Variants in SMYD3 observed in about 807,000 individuals in gnomAD.
SMYD3 encodes histone-lysine N-methyltransferase SMYD3.
A neutral mutation model predicts 57.7 loss-of-function variants in SMYD3; 36 were observed. That is an observed-to-expected ratio of 0.62 (90% CI 0.48 to 0.82). The LOEUF is 0.82. Ranked by LOEUF, SMYD3 falls within the 40% of genes least tolerant of loss-of-function variation. The pLI is 0.00. For synonymous variants in SMYD3, 211 were observed against 195.0 expected (o/e 1.08, Z -0.68); for missense variants, 515 against 538.8 (o/e 0.96, Z 0.44).
At position 245,918,507 on chromosome 1, in the gene SMYD3, T is replaced by G. The variant is rs142427849; in HGVS notation, c.703-2867A>C. Among the ~76,000 whole-genome samples, 179 of 152,334 alleles carry G rather than the reference T, an allele frequency of 1.2e-3. 1 individual carries two copies. Among genetic ancestry groups the G allele is most frequent in the African/African-American group, 3.9e-3 (162 of 41,566 alleles). The stretch of plus-strand genomic sequence containing the variant: ...TTCAGCTGAGACAACAGCCACTTTT[T>G]GATTTCCTCCATGTTTCTCTTGCTT... On this transcript the variant is annotated intron_variant, in intron 7 of 11. Coordinates refer to ENST00000490107, the MANE Select transcript of SMYD3 (RefSeq NM_001167740.2).
At chr1:246,335,139 T>C (rs538580433) in intron 3 of SMYD3, among the ~76,000 whole-genome samples, 1 of 152,346 alleles carries the variant, frequency 6.6e-6, no homozygotes, top group South Asian at 2.1e-4. Flanking sequence ...TACATTGTTC[T>C]GTTGGCATAA....
intron 1 of SMYD3, among the ~76,000 whole-genome samples, chr1:246,359,353 A>G (rs1430127023): frequency 1.3e-5 from 2 of 152,326 alleles, no homozygotes; most frequent in Middle Eastern, 3.4e-3. Flanking sequence ...GTCTAGGACC[A>G]TAAGGATTCA....
intron 5 of SMYD3, among the ~76,000 whole-genome samples, chr1:246,223,963 T>C (rs1392150699): frequency 6.6e-6 from 1 of 152,254 alleles, no homozygotes. Flanking sequence ...AACTGAAGGA[T>C]TCTTTTCATT....
In SMYD3 at chr1:246,329,396, G is replaced by C. The variant is rs186465358; in HGVS notation, c.394+1084C>G. ...ATGATTGCCATTCTATCTGGTGTGAGATGGTATCTCACTGTGGTTTTGATT... is the reference window on the plus strand; with the variant it reads ...ATGATTGCCATTCTATCTGGTGTGACATGGTATCTCACTGTGGTTTTGATT... On this transcript the variant is annotated intron_variant, in intron 4 of 11. Transcript: ENST00000490107. 1.7e-4 allele frequency among the ~76,000 whole-genome samples: 26 copies of C among 152,326 alleles called. No individual in the cohort carries two copies. The East Asian group carries it at 5.0e-3, about 29-fold the overall frequency.
At chr1:246,039,770 A>G (rs936225649) in intron 5 of SMYD3, among the ~76,000 whole-genome samples, 49 of 152,290 alleles carry the variant, frequency 3.2e-4, no homozygotes, top group African/African-American at 1.1e-3. Context: ...CGTTTTCTCA[A>G]TTGATTAGGT....
At chr1:246,250,439 G>A (rs1452543335) in intron 5 of SMYD3, among the ~76,000 whole-genome samples, 1 of 152,062 alleles carries the variant, frequency 6.6e-6, no homozygotes, top group Non-Finnish European at 1.5e-5. Flanking sequence ...TTTATTTCTA[G>A]AAATAAATCT....
rs145522965 is a variant in SMYD3, at chr1:245,801,447, G to A, written c.1077-37298C>T. Among the ~76,000 whole-genome samples, 46 of 152,256 alleles carry A rather than the reference G, an allele frequency of 3.0e-4. 2 individuals carry two copies. The highest frequency in any genetic ancestry group is 6.8e-3 in the Middle Eastern group (2 of 294). On this transcript the variant is annotated intron_variant, in intron 10 of 11. Coordinates refer to ENST00000490107, the MANE Select transcript of SMYD3 (RefSeq NM_001167740.2). ...CTTGTCATAAATATCTCAGACTTCA[G>A]GCATTCAAGTCTAAGTCCATGATTT...
At chr1:246,065,639 A>G (rs1034889362) in intron 5 of SMYD3, among the ~76,000 whole-genome samples, 2 of 152,234 alleles carry the variant, frequency 1.3e-5, no homozygotes, top group African/African-American at 4.8e-5. Context: ...ATAACCAGCC[A>G]GAAAATTCAA....
At chr1:246,052,274 A>T (rs989237389) in intron 5 of SMYD3, among the ~76,000 whole-genome samples, 6 of 152,242 alleles carry the variant, frequency 3.9e-5, no homozygotes, top group African/African-American at 1.2e-4. Flanking sequence ...CTCCTCAGAG[A>T]TGCAGGGAAC....
chr1:246,035,293 A>G (rs1206708787), intron 5 of SMYD3: 2 of 152,244 alleles, frequency 1.3e-5, no homozygotes, highest in Non-Finnish European at 2.9e-5. Context: ...TGCTTTCAGA[A>G]TGGCGTTTAT....
At chr1:246,360,979 C>T (rs980334846) in intron 1 of SMYD3, among the ~76,000 whole-genome samples, 1 of 152,174 alleles carries the variant, frequency 6.6e-6, no homozygotes, top group Non-Finnish European at 1.5e-5. Flanking sequence ...AGTTTCTGCA[C>T]AGCAAAAGAA....
chr1:246,340,574 G>C (rs1011916250), intron 2 of SMYD3, among the ~76,000 whole-genome samples: 6 of 152,130 alleles, frequency 3.9e-5, no homozygotes, highest in African/African-American at 1.4e-4. Flanking sequence ...GTATTTAGAA[G>C]CATCTAGGAT....
At chr1:246,296,293 C>T (rs10802385) in intron 5 of SMYD3, among the ~76,000 whole-genome samples, 16,048 of 152,060 alleles carry the variant, frequency 0.11, 1,678 homozygotes, top group African/African-American at 0.26. Flanking sequence ...TAACACTTGC[C>T]CCCACAACTT....
In SMYD3 at chr1:245,800,892, A is replaced by G. The variant is rs986765115; in HGVS notation, c.1077-36743T>C. 3.3e-5 allele frequency among the ~76,000 whole-genome samples: 5 copies of G among 152,214 alleles called. 1 individual carries two copies. Among genetic ancestry groups the G allele is most frequent in the Non-Finnish European group, 7.3e-5 (5 of 68,034 alleles). ...TCCTGATGACAAAGAAACAGAAACT[A>G]ATAGCAGGGCATACTCATGGTTAGT... On this transcript the variant is annotated intron_variant, in intron 10 of 11. Transcript: ENST00000490107.
chr1:245,873,497 A>G (rs1376113504), intron 8 of SMYD3, among the ~76,000 whole-genome samples: 1 of 152,212 alleles, frequency 6.6e-6, no homozygotes, highest in Admixed American at 6.5e-5. Context: ...GACAATAGCC[A>G]TTAAGATAAA....
At chr1:246,074,365 T>TA (rs60088316) in intron 5 of SMYD3, among the ~76,000 whole-genome samples, 8,750 of 140,424 alleles carry the variant, frequency 0.062, 708 homozygotes, top group African/African-American at 0.18. Flanking sequence ...CAAAAAAAAT[T>TA]AAAAAAAAAA....
chr1:246,067,940 G>C (rs1007330227), intron 5 of SMYD3, among the ~76,000 whole-genome samples: 1 of 152,144 alleles, frequency 6.6e-6, no homozygotes. Context: ...CTGCAGGAAG[G>C]GGGACAAATG....
chr1:246,129,688 T>C (rs2061559664), intron 5 of SMYD3, among the ~76,000 whole-genome samples: 1 of 152,158 alleles, frequency 6.6e-6, no homozygotes, highest in African/African-American at 2.4e-5. Flanking sequence ...AGAGGTTACA[T>C]GAAAGAGGCT....
intron 5 of SMYD3, among the ~76,000 whole-genome samples, chr1:246,061,920 T>C (rs1293724806): frequency 6.6e-6 from 1 of 152,168 alleles, no homozygotes; most frequent in African/African-American, 2.4e-5. Flanking sequence ...ATTGAATTCT[T>C]ATTTTTCTTC....
Sources: allele counts gnomAD v4.1 joint callset (sites outside exome capture counted in the v4.1 genomes callset), GRCh38; gene constraint gnomAD v4.1.1; transcripts MANE v1.5; gene names NCBI Gene and HGNC (gene_info 2026-07-23, HGNC 2026-07-21).